Variants in ABCA13 observed in about 807,000 individuals in gnomAD.
The protein encoded by ABCA13 is ATP-binding cassette sub-family A member 13.
In ABCA13, 476 loss-of-function variants were observed where a neutral mutation model predicts 478.7. The observed-to-expected ratio is 0.99, with a 90% CI of 0.92 to 1.07. The LOEUF is 1.07. Ranked by LOEUF, ABCA13 falls within the 50% of genes least tolerant of loss-of-function variation. The pLI is 0.00. For synonymous variants in ABCA13, 2,252 were observed against 2,158.9 expected, an observed-to-expected ratio of 1.04 and a Z score of -1.20; for missense variants, 6,060 against 5,910.6, an observed-to-expected ratio of 1.03 and a Z score of -0.83.
At chr7:48,357,071 G>T (rs1440161754) in intron 31 of ABCA13, among the ~76,000 whole-genome samples, 1 of 151,868 alleles carries the variant, frequency 6.6e-6, no homozygotes, top group Admixed American at 6.5e-5. Flanking sequence ...CTGAGTGATG[G>T]CTCCCGTGAG....
Position 48,455,233 on chromosome 7 carries a change from T to C in ABCA13, c.12762T>C (p.Pro4254=), listed in dbSNP as rs762900380. 1.2e-6 allele frequency: 2 copies of C among 1,604,472 alleles called. No individual in the cohort carries two copies. Among genetic ancestry groups the C allele is most frequent in the Non-Finnish European group, 1.7e-6 (2 of 1,175,844 alleles). The change falls in exon 43 of 62, where the codon CCT becomes CCC. Residue 4254 remains proline, a synonymous_variant. Coordinates refer to ENST00000435803, the MANE Select transcript of ABCA13 (RefSeq NM_152701.5). ...TGAGACCCCTGGCCACCGAGTACCC[T>C]CCCCTCAGACTCACACCTGGACATT... ...FMVRPLATEY[P]PLRLTPGHYQ...
chr7:48,479,822 G>A (rs1305974369), intron 45 of ABCA13, among the ~76,000 whole-genome samples: 1 of 152,154 alleles, frequency 6.6e-6, no homozygotes, highest in Non-Finnish European at 1.5e-5. Flanking sequence ...TATCTTAAAT[G>A]CATATCGCCC....
intron 38 of ABCA13, among the ~76,000 whole-genome samples, chr7:48,402,709 A>G (rs1358432893): frequency 6.6e-6 from 1 of 152,210 alleles, no homozygotes; most frequent in African/African-American, 2.4e-5. Flanking sequence ...GAATTCTGGA[A>G]TGTTCCAGGC....
intron 43 of ABCA13, among the ~76,000 whole-genome samples, chr7:48,457,981 A>G (rs1825850967): frequency 6.6e-6 from 1 of 152,222 alleles, no homozygotes; most frequent in South Asian, 2.1e-4. Flanking sequence ...GAGAAGAATA[A>G]CTATCATCAT....
rs1413710195 is a variant in ABCA13 at position 48,297,272 on chromosome 7, C to T, written c.9160C>T (p.Pro3054Ser). ...CGAGGAAACTTGGTCATCAGGGAATCCCATCATGACTTTTCTCAGCAATTT... is the reference window on the plus strand; with the variant it reads ...CGAGGAAACTTGGTCATCAGGGAATTCCATCATGACTTTTCTCAGCAATTT... ...SLEETWSSGN[P>S]IMTFLSNFTV... The change falls in exon 22 of 62, where the codon CCC becomes TCC. Residue 3054 changes from proline (P) to serine (S), a missense_variant. This residue lies in a region of ABCA13 where 4,423 missense variants were observed against 4,309.1 expected (regional missense o/e 1.03). Transcript: ENST00000435803. 8.7e-6 allele frequency: 14 copies of T among 1,609,540 alleles called. No individual in the cohort carries two copies. The highest frequency in any genetic ancestry group is 1.2e-5 in the Non-Finnish European group (14 of 1,177,970).
intron 24 of ABCA13, among the ~76,000 whole-genome samples, chr7:48,310,475 C>A (rs1376856956): frequency 6.6e-6 from 1 of 152,156 alleles, no homozygotes; most frequent in African/African-American, 2.4e-5. Flanking sequence ...CAGGTGTTCT[C>A]TCCTCTGTAA....
In ABCA13 at chr7:48,643,270, A is replaced by G. The variant is rs1226859260; in HGVS notation, c.14838-18A>G. On this transcript the variant is annotated intron_variant, in intron 59 of 61. Transcript: ENST00000435803. ...TCAATATGATAATAATCATGTTTCT[A>G]TTTTATTTAACTCTCAGGTTTGGTG... The G allele has an allele frequency of 9.8e-6, 15 of 1,528,598 alleles. No individual in the cohort carries two copies. The highest frequency in any genetic ancestry group is 1.2e-5 in the Non-Finnish European group (13 of 1,114,552). The allele number at this position is 1,528,598 out of a possible 1,614,324, so 94.7% of individuals were successfully genotyped here. A position where few individuals can be genotyped will look rare whatever the true frequency, so the allele number is the denominator to read the frequency against.
intron 58 of ABCA13, 112 bp downstream of exon 58, chr7:48,594,925 CA>C: frequency 2.3e-6 from 2 of 860,866 alleles, no homozygotes; most frequent in South Asian, 3.4e-5. Context: ...TTAATCTTTA[CA>C]ACACAATAAT....
chr7:48,345,517 C>CA (rs34972245), intron 29 of ABCA13, among the ~76,000 whole-genome samples: 130,217 of 151,874 alleles, frequency 0.86, 55,920 homozygotes, highest in African/African-American at 0.91. Context: ...TAGTTTTTAA[C>CA]AAAAAATTTA....
At chr7:48,286,430 A>G (rs1797751258) in intron 19 of ABCA13, among the ~76,000 whole-genome samples, 1 of 152,076 alleles carries the variant, frequency 6.6e-6, no homozygotes, top group Non-Finnish European at 1.5e-5. Context: ...ATCATACAAT[A>G]TGTAGCCTTT....
intron 55 of ABCA13, among the ~76,000 whole-genome samples, chr7:48,548,961 A>G (rs9691391): frequency 0.14 from 21,260 of 151,580 alleles, 2,066 homozygotes; most frequent in African/African-American, 0.23. Context: ...CTACATCTCT[A>G]TTAAAATAGA....
intron 41 of ABCA13, among the ~76,000 whole-genome samples, 196 bp from the exon 42 acceptor site, chr7:48,427,570 A>G (rs2129136930): frequency 6.6e-6 from 1 of 152,302 alleles, no homozygotes; most frequent in Non-Finnish European, 1.5e-5. Context: ...TCATCTTTGC[A>G]TCCTATGGGT....
intron 50 of ABCA13, among the ~76,000 whole-genome samples, chr7:48,508,598 A>G (rs17132425): frequency 0.18 from 27,853 of 152,114 alleles, 3,019 homozygotes; most frequent in African/African-American, 0.29. Flanking sequence ...AGTAAAAAAA[A>G]GCATCTTATA....
chr7:48,416,996 T>C (rs1820106988), intron 41 of ABCA13, among the ~76,000 whole-genome samples: 1 of 152,186 alleles, frequency 6.6e-6, no homozygotes, highest in Non-Finnish European at 1.5e-5. Context: ...TTGAACAGTT[T>C]TTATTTTTCC....
intron 1 of ABCA13, among the ~76,000 whole-genome samples, chr7:48,183,477 T>G (rs1795970654): frequency 6.6e-6 from 1 of 152,196 alleles, no homozygotes; most frequent in Admixed American, 6.5e-5. Context: ...TCTCACTGGT[T>G]GTTGTGAGGA....
At chr7:48,461,206 C>T (rs938009953) in intron 43 of ABCA13, among the ~76,000 whole-genome samples, 6 of 152,240 alleles carry the variant, frequency 3.9e-5, no homozygotes, top group African/African-American at 1.4e-4. Context: ...CACTCACCAG[C>T]AGGCTCTTGG....
At chr7:48,491,493 C>T (rs964084673) in intron 48 of ABCA13, among the ~76,000 whole-genome samples, 4 of 152,090 alleles carry the variant, frequency 2.6e-5, no homozygotes, top group Non-Finnish European at 5.9e-5. Flanking sequence ...AGAATGCAGA[C>T]GTTTTGCTGG....
chr7:48,299,561 T>A (rs971688719), intron 23 of ABCA13, among the ~76,000 whole-genome samples: 3 of 152,168 alleles, frequency 2.0e-5, no homozygotes, highest in Non-Finnish European at 2.9e-5. Flanking sequence ...ACAATGAAGA[T>A]TTTTGGTTTA....
At chr7:48,576,794 T>C (rs1283386543) in intron 55 of ABCA13, among the ~76,000 whole-genome samples, 1 of 151,554 alleles carries the variant, frequency 6.6e-6, no homozygotes, top group Non-Finnish European at 1.5e-5. Flanking sequence ...GTAAGCACAA[T>C]ATAACTTCTA....
Sources: allele counts gnomAD v4.1 joint callset (sites outside exome capture counted in the v4.1 genomes callset), GRCh38; gene constraint gnomAD v4.1.1; regional missense constraint gnomAD v4.1.1; transcripts MANE v1.5; gene names NCBI Gene and HGNC (gene_info 2026-07-23, HGNC 2026-07-21).